The following EPN2 variants were observed in gnomAD, a reference collection of about 807,000 sequenced individuals.
The protein encoded by EPN2 is epsin-2.
A neutral mutation model predicts 61.7 loss-of-function variants in EPN2; 34 were observed. That is an observed-to-expected ratio of 0.55 (90% CI 0.42 to 0.73). The LOEUF (loss-of-function observed/expected upper bound fraction) is 0.73. Ranked by LOEUF, EPN2 falls within the 30% of genes least tolerant of loss-of-function variation. The probability of loss-of-function intolerance (pLI) is 0.00; values close to 1 mark genes in which losing one functional copy is unlikely to be tolerated. For synonymous variants in EPN2, 349 were observed against 353.6 expected, an observed-to-expected ratio of 0.99 and a Z score of 0.15; for missense variants, 714 against 839.2, an observed-to-expected ratio of 0.85 and a Z score of 1.84.
intron 1 of EPN2, among the ~76,000 whole-genome samples, chr17:19,250,705 C>T (rs1483028729): frequency 1.3e-5 from 2 of 152,266 alleles, no homozygotes; most frequent in Admixed American, 1.3e-4. Flanking sequence ...CCACATGGTG[C>T]CTGCTTATTT....
intron 7 of EPN2, among the ~76,000 whole-genome samples, chr17:19,316,427 T>C (rs1345333439): frequency 2.0e-5 from 3 of 152,206 alleles, no homozygotes; most frequent in Non-Finnish European, 4.4e-5. Flanking sequence ...CCAAAGCCCA[T>C]AGACATTGTT....
intron 1 of EPN2, among the ~76,000 whole-genome samples, chr17:19,246,736 T>TC (rs11376999): frequency 3.4e-5 from 5 of 146,744 alleles, no homozygotes; most frequent in Non-Finnish European, 7.4e-5. Flanking sequence ...GTTTTTTTTT[T>TC]CCCCCCTGAA....
chr17:19,262,868 C>A (rs2045157122), intron 1 of EPN2, among the ~76,000 whole-genome samples: 1 of 152,252 alleles, frequency 6.6e-6, no homozygotes. Context: ...TGGCTTCTTA[C>A]ATTCAGTGTA....
chr17:19,247,355 A>G (rs774626981), intron 1 of EPN2, among the ~76,000 whole-genome samples: 2 of 152,226 alleles, frequency 1.3e-5, no homozygotes, highest in Non-Finnish European at 2.9e-5. Flanking sequence ...TTTGTGAGAC[A>G]GAAGCTAGCA....
chr17:19,305,132 T>G (rs1442202818), intron 4 of EPN2, among the ~76,000 whole-genome samples: 4 of 151,844 alleles, frequency 2.6e-5, no homozygotes, highest in African/African-American at 4.8e-5. Context: ...TTTTTTTTTT[T>G]TTTTTTTTTG....
intron 1 of EPN2, among the ~76,000 whole-genome samples, chr17:19,254,163 AAAG>A (rs2045047730): frequency 6.6e-6 from 1 of 151,590 alleles, no homozygotes; most frequent in Admixed American, 6.6e-5. Flanking sequence ...AAAGAGAAAG[AAAG>A]AAAAAAAGAA....
intron 1 of EPN2, among the ~76,000 whole-genome samples, chr17:19,238,973 A>G (rs1291102781): frequency 6.6e-6 from 1 of 152,212 alleles, no homozygotes; most frequent in Admixed American, 6.5e-5. Flanking sequence ...AGGTGCTGAC[A>G]AAATCTTATG....
At chr17:19,284,760 C>T (rs564181053) in intron 3 of EPN2, among the ~76,000 whole-genome samples, 10 of 152,270 alleles carry the variant, frequency 6.6e-5, no homozygotes, top group African/African-American at 2.2e-4. Flanking sequence ...GACATTGTAC[C>T]GCCACCACTA....
chr17:19,267,717 A>G (rs1321969254), intron 1 of EPN2, among the ~76,000 whole-genome samples: 2 of 151,930 alleles, frequency 1.3e-5, no homozygotes, highest in Admixed American at 6.6e-5. Context: ...TAATTTTTGT[A>G]TTTTTAATAG....
chr17:19,265,986 C>A (rs1004078323), intron 1 of EPN2, among the ~76,000 whole-genome samples: 6 of 152,176 alleles, frequency 3.9e-5, no homozygotes, highest in Middle Eastern at 6.8e-3. Flanking sequence ...CCCATTCCCC[C>A]GCAGCTGGAT....
intron 8 of EPN2, chr17:19,329,173 C>A: frequency 2.2e-6 from 1 of 458,412 alleles, no homozygotes. Context: ...TGGGTCCTGT[C>A]CTCACCCCTG....
At chr17:19,327,976 C>T (rs1270307620) in intron 7 of EPN2, among the ~76,000 whole-genome samples, 1 of 152,196 alleles carries the variant, frequency 6.6e-6, no homozygotes, top group Non-Finnish European at 1.5e-5. Context: ...TGTGTCTATA[C>T]ATAAAGATGC....
intron 7 of EPN2, among the ~76,000 whole-genome samples, chr17:19,327,016 A>G (rs897134134): frequency 6.6e-6 from 1 of 152,190 alleles, no homozygotes; most frequent in African/African-American, 2.4e-5. Flanking sequence ...ATTGGCACAC[A>G]TGGGAAAGTA....
Position 19,329,184 on chromosome 17 carries a change from G to A in EPN2, c.1324+297G>A, listed in dbSNP as rs552498013. 1.1e-3 allele frequency: 463 copies of A among 440,084 alleles called. 4 individuals are homozygous for A. The highest frequency in any genetic ancestry group is 8.4e-3 in the African/African-American group (421 of 50,106). 27.3% of individuals were successfully genotyped at this position (440,084 alleles called of 1,614,324 possible). ...CCTGTGGGTCCTGTCCTCACCCCTG[G>A]GGGGCTGGGCAGGCTGGCCTCCAGG... On this transcript the variant is annotated intron_variant, in intron 8 of 10. Coordinates refer to ENST00000314728, the MANE Select transcript of EPN2 (RefSeq NM_014964.5).
chr17:19,286,046 A>G (rs1245096879), intron 4 of EPN2, among the ~76,000 whole-genome samples: 4 of 152,288 alleles, frequency 2.6e-5, no homozygotes, highest in South Asian at 2.1e-4. Context: ...TGGGTAAGGC[A>G]TGGGGTGATG....
intron 4 of EPN2, among the ~76,000 whole-genome samples, chr17:19,298,979 C>T (rs181589035): frequency 1.3e-5 from 2 of 152,038 alleles, no homozygotes; most frequent in African/African-American, 2.4e-5. Context: ...ATTATTTCTT[C>T]AATGTGGAAT....
At chr17:19,244,621 GT>G (rs963215286) in intron 1 of EPN2, among the ~76,000 whole-genome samples, 1 of 152,134 alleles carries the variant, frequency 6.6e-6, no homozygotes, top group African/African-American at 2.4e-5. Context: ...CATGTTTACA[GT>G]TCGAATTTTT....
At chr17:19,289,114 T>TCG in intron 4 of EPN2, among the ~76,000 whole-genome samples, 1 of 134,540 alleles carries the variant, frequency 7.4e-6, no homozygotes, top group African/African-American at 2.9e-5. Context: ...AGACAGAATC[T>TCG]TGCACTGTCA....
intron 4 of EPN2, among the ~76,000 whole-genome samples, chr17:19,304,124 C>A (rs1300122288): frequency 4.7e-5 from 4 of 85,234 alleles, no homozygotes; most frequent in Non-Finnish European, 8.0e-5. Flanking sequence ...AAATAAATAA[C>A]CTGGTGTAAT....
Sources: gnomAD v4.1 joint callset for allele counts (sites outside exome capture counted in the v4.1 genomes callset) on GRCh38, gnomAD v4.1.1 for gene constraint, MANE v1.5 for transcripts, NCBI Gene and HGNC (gene_info 2026-07-23, HGNC 2026-07-21) for gene names.